Variants in CNOT6 observed in about 807,000 individuals in gnomAD.
CNOT6 encodes CCR4-NOT transcription complex subunit 6.
A neutral mutation model predicts 61.2 loss-of-function variants in CNOT6; 12 were observed. The observed-to-expected ratio is 0.20, with a 90% CI of 0.13 to 0.32. The LOEUF is 0.32. CNOT6 is among the 10% of genes least tolerant of loss of function. CNOT6 has a pLI of 1.00. For missense variants in CNOT6, 405 were observed against 663.9 expected, an observed-to-expected ratio of 0.61 and a Z score of 4.28; for synonymous variants, 225 against 240.6, an observed-to-expected ratio of 0.94 and a Z score of 0.60.
At chr5:180,529,733 A>G (rs933209216) in intron 2 of CNOT6, among the ~76,000 whole-genome samples, 16 of 152,218 alleles carry the variant, frequency 1.1e-4, no homozygotes, top group Non-Finnish European at 1.9e-4. Flanking sequence ...TTCTCTGATA[A>G]AGTAGGATTG....
chr5:180,521,295 C>A (rs1023463349), intron 1 of CNOT6, among the ~76,000 whole-genome samples: 23 of 152,142 alleles, frequency 1.5e-4, no homozygotes, highest in African/African-American at 4.3e-4. Context: ...TTTTACAGAA[C>A]AATGTAGGTA....
chr5:180,514,220 G>T (rs887808662), intron 1 of CNOT6, among the ~76,000 whole-genome samples: 1 of 151,680 alleles, frequency 6.6e-6, no homozygotes, highest in Non-Finnish European at 1.5e-5. Flanking sequence ...TCAGGAGTTC[G>T]AGATCAGCCT....
chr5:180,514,343 A>C (rs950931660), intron 1 of CNOT6, among the ~76,000 whole-genome samples: 1 of 152,158 alleles, frequency 6.6e-6, no homozygotes, highest in Non-Finnish European at 1.5e-5. Context: ...AATTGCTTGA[A>C]GCTGGAAGGC....
At chr5:180,514,312 C>T (rs1033309161) in intron 1 of CNOT6, among the ~76,000 whole-genome samples, 28 of 152,250 alleles carry the variant, frequency 1.8e-4, no homozygotes, top group Admixed American at 1.5e-3. Flanking sequence ...ATCCCATCTA[C>T]TCGGGAGGCT....
At chr5:180,552,271 G>A (rs565970352) in intron 3 of CNOT6, among the ~76,000 whole-genome samples, 21 of 152,098 alleles carry the variant, frequency 1.4e-4, no homozygotes, top group Non-Finnish European at 2.4e-4. Flanking sequence ...AGACCTTCTG[G>A]CTTGCTCAGT....
chr5:180,513,860 C>T (rs1457285822), intron 1 of CNOT6, among the ~76,000 whole-genome samples: 3 of 151,762 alleles, frequency 2.0e-5, no homozygotes, highest in East Asian at 2.0e-4. Flanking sequence ...CCCGCCACCA[C>T]GCCCGGCTAA....
intron 2 of CNOT6, among the ~76,000 whole-genome samples, chr5:180,536,566 C>CT (rs1340659319): frequency 6.6e-6 from 1 of 152,122 alleles, no homozygotes; most frequent in Non-Finnish European, 1.5e-5. Context: ...CCTCAGCCTC[C>CT]TGAGTAGCTG....
chr5:180,511,797 T>A (rs949000288), intron 1 of CNOT6, among the ~76,000 whole-genome samples: 6 of 151,848 alleles, frequency 4.0e-5, no homozygotes, highest in African/African-American at 4.8e-5. Context: ...AAATAAAAAA[T>A]TTTTTTGAGC....
intron 4 of CNOT6, among the ~76,000 whole-genome samples, 168 bp downstream of exon 4, chr5:180,553,639 ACTAT>A (rs1759726190): frequency 6.6e-6 from 1 of 152,082 alleles, no homozygotes; most frequent in Non-Finnish European, 1.5e-5. Context: ...TCAGCTGTAG[ACTAT>A]CTACTAGTCT....
At chr5:180,536,029 T>C (rs1581517706) in intron 2 of CNOT6, among the ~76,000 whole-genome samples, 3 of 116,714 alleles carry the variant, frequency 2.6e-5, no homozygotes, top group East Asian at 5.8e-4. Flanking sequence ...ACAGTCTCAC[T>C]CTGTTGCCCA....
intron 2 of CNOT6, among the ~76,000 whole-genome samples, chr5:180,544,130 G>C (rs1439248818): frequency 6.6e-6 from 1 of 152,118 alleles, no homozygotes; most frequent in Non-Finnish European, 1.5e-5. Flanking sequence ...TTTTTTAAGT[G>C]ACCTATTCTT....
intron 1 of CNOT6, among the ~76,000 whole-genome samples, chr5:180,503,232 G>C (rs1756959298): frequency 6.6e-6 from 1 of 151,092 alleles, no homozygotes. Context: ...GCCAGGACTT[G>C]ATGCAGGTCT....
intron 4 of CNOT6, among the ~76,000 whole-genome samples, chr5:180,563,457 T>C (rs535486429): frequency 6.6e-6 from 1 of 152,066 alleles, no homozygotes; most frequent in Admixed American, 6.6e-5. Flanking sequence ...TTAGCCAGGA[T>C]GGTCTCGATC....
At chr5:180,529,213 A>AAAGG in intron 1 of CNOT6, 62 bp from the exon 2 acceptor site, 4 of 766,374 alleles carry the variant, frequency 5.2e-6, no homozygotes, top group South Asian at 1.6e-5. Context: ...AAAAAAAAAA[A>AAAGG]GGTGTTGTGG....
chr5:180,567,755 G>C, intron 8 of CNOT6, 94 bp from the exon 9 acceptor site: 1 of 1,558,160 alleles, frequency 6.4e-7, no homozygotes, highest in East Asian at 2.3e-5. Flanking sequence ...CATCGTATCT[G>C]TTAAGGAAGT....
chr5:180,560,450 T>G (rs1760107541), intron 4 of CNOT6, among the ~76,000 whole-genome samples: 1 of 152,174 alleles, frequency 6.6e-6, no homozygotes, highest in Admixed American at 6.5e-5. Context: ...TCTGAGATTG[T>G]CTTTATTTCT....
intron 1 of CNOT6, among the ~76,000 whole-genome samples, chr5:180,504,843 A>G (rs1050330571): frequency 1.3e-5 from 2 of 151,862 alleles, no homozygotes; most frequent in Non-Finnish European, 2.9e-5. Flanking sequence ...TGATAGGTTT[A>G]TTACTGTTAA....
Position 180,574,852 on chromosome 5 carries a change from CT to C in CNOT6, c.*655del, listed in dbSNP as rs933490065. 2 of 152,782 alleles carry C rather than the reference CT, an allele frequency of 1.3e-5. No homozygotes were observed. The highest frequency in any genetic ancestry group is 2.9e-5 in the Non-Finnish European group (2 of 68,210). The allele number at this position is 152,782 out of a possible 1,614,324, so 9.5% of individuals were successfully genotyped here. A position where few individuals can be genotyped will look rare whatever the true frequency, so the allele number is the denominator to read the frequency against. The stretch of plus-strand genomic sequence containing the variant: ...GGGTTTTGTTAGCCCTTTTGTACTA[CT>C]TTCTTTTTAAATTGAGAACATGGTT... On this transcript the variant is annotated 3_prime_UTR_variant, in exon 12 of 12. Coordinates refer to ENST00000261951, the MANE Select transcript of CNOT6 (RefSeq NM_001370472.1).
intron 2 of CNOT6, 119 bp from the exon 3 acceptor site, chr5:180,549,812 C>A: frequency 1.4e-6 from 1 of 727,200 alleles, no homozygotes; most frequent in East Asian, 2.5e-5. Flanking sequence ...AACCCCTTCT[C>A]ACAAGTTTTT....
Sources: allele counts gnomAD v4.1 joint callset (sites outside exome capture counted in the v4.1 genomes callset), GRCh38; gene constraint gnomAD v4.1.1; transcripts MANE v1.5; gene names NCBI Gene and HGNC (gene_info 2026-07-23, HGNC 2026-07-21).